RCC1L: variants seen among roughly 807,000 people sequenced by gnomAD.
The protein encoded by RCC1L is RCC1 like, also known as RCC1-like G exchanging factor-like protein.
RCC1L carries 46 observed loss-of-function variants against 58.6 expected under a neutral mutation model. The observed-to-expected ratio is 0.79, with a 90% CI of 0.62 to 1.00. RCC1L has a LOEUF of 1.00. Among genes scored for constraint, RCC1L ranks in the 50% least tolerant of loss-of-function variants. The pLI is 0.00. For missense variants in RCC1L, 636 were observed against 623.6 expected (o/e 1.02, Z -0.21); for synonymous variants, 281 against 262.9 (o/e 1.07, Z -0.67).
chr7:75,070,535 C>T, intron 2 of RCC1L, 105 bp downstream of exon 2: 1 of 1,468,270 alleles, frequency 6.8e-7, no homozygotes, highest in South Asian at 1.3e-5. Flanking sequence ...CTCGCCACTG[C>T]ACTCTAGCCT....
intron 10 of RCC1L, among the ~76,000 whole-genome samples, chr7:75,049,037 G>A (rs1043789888): frequency 1.3e-5 from 2 of 152,090 alleles, no homozygotes; most frequent in African/African-American, 4.8e-5. Flanking sequence ...GTCACCTCCC[G>A]GGCCCACATA....
rs1452418650 is a variant in RCC1L at position 75,061,215 on chromosome 7, C to T, written c.779G>A (p.Gly260Glu). The change falls in exon 6 of 11, where the codon GGG (glycine) becomes GAG (glutamate). Residue 260 changes from glycine (G) to glutamate (E), a missense_variant. Gly to Glu is a moderately conservative substitution (Grantham distance 98). Transcript: ENST00000610322. ...EVYSCGWGAD[G>E]QTGLGHYNIT... ...CATGAAAAGAACTCTACCTGTTTGCCCATCAGCACCCCATCCACAAGAATA... is the reference window on the plus strand; with the variant it reads ...CATGAAAAGAACTCTACCTGTTTGCTCATCAGCACCCCATCCACAAGAATA... The T allele has an allele frequency of 6.2e-7, 1 of 1,613,552 alleles. No homozygotes were observed. Among genetic ancestry groups the T allele is most frequent in the African/African-American group, 1.3e-5 (1 of 74,874 alleles).
At chr7:75,042,069 A>G, downstream of RCC1L, 2 of 523,756 alleles carry the variant, frequency 3.8e-6, no homozygotes, top group Non-Finnish European at 4.9e-6. Flanking sequence ...AAATAAAAAG[A>G]CCTCATCTCT....
downstream of RCC1L, among the ~76,000 whole-genome samples, chr7:75,037,980 C>T (rs1433406603): frequency 7.9e-5 from 12 of 152,286 alleles, no homozygotes; most frequent in East Asian, 2.3e-3. Context: ...ATTCGGAACC[C>T]TTGGTTGGTG....
intron 10 of RCC1L, among the ~76,000 whole-genome samples, chr7:75,033,327 G>A (rs1805356723): frequency 6.6e-6 from 1 of 152,076 alleles, no homozygotes; most frequent in Non-Finnish European, 1.5e-5. Flanking sequence ...AAGCAGGGAG[G>A]GACGGGAGAG....
chr7:75,056,630 A>C (rs1806089808), intron 8 of RCC1L: 2 of 1,535,316 alleles, frequency 1.3e-6, no homozygotes, highest in Admixed American at 3.9e-5. Flanking sequence ...GCAGAGCTGG[A>C]GTCTCTCTGG....
Position 75,066,654 on chromosome 7 carries a change from G to A in RCC1L, c.583+10C>T. 1.2e-6 allele frequency: 2 copies of A among 1,610,138 alleles called. No individual in the cohort carries two copies. The highest frequency in any genetic ancestry group is 4.5e-5 in the East Asian group (2 of 44,692). On this transcript the variant is annotated intron_variant, in intron 3 of 10. Transcript: ENST00000610322. ...GCACTCTTCCATCACCCTTCAATAGGTCAACTCACCTCCTTCCCTGTCAGT... is the reference window on the plus strand; with the variant it reads ...GCACTCTTCCATCACCCTTCAATAGATCAACTCACCTCCTTCCCTGTCAGT...
At chr7:75,040,113 GAC>G (rs2131973293), downstream of RCC1L, among the ~76,000 whole-genome samples, 3 of 152,234 alleles carry the variant, frequency 2.0e-5, no homozygotes, top group African/African-American at 7.2e-5. Context: ...AGAAAGAAAA[GAC>G]AAACCGAAGG....
At chr7:75,050,324 G>A (rs1805864106) in intron 10 of RCC1L, among the ~76,000 whole-genome samples, 1 of 152,254 alleles carries the variant, frequency 6.6e-6, no homozygotes, top group South Asian at 2.1e-4. Context: ...AAAAGCAAAT[G>A]ACCAGAAGGA....
chr7:75,071,321 T>C (rs1554446062), intron 1 of RCC1L, among the ~76,000 whole-genome samples: 1 of 152,098 alleles, frequency 6.6e-6, no homozygotes, highest in South Asian at 2.1e-4. Context: ...CCACTAGGTA[T>C]TACCATCCCC....
intron 10 of RCC1L, among the ~76,000 whole-genome samples, chr7:75,028,559 C>T (rs1377910218): frequency 6.6e-6 from 1 of 152,250 alleles, no homozygotes; most frequent in African/African-American, 2.4e-5. Context: ...TTGCTGCACT[C>T]AGAGTACCAG....
intron 7 of RCC1L, 43 bp downstream of exon 7, chr7:75,058,543 AAT>A: frequency 6.4e-7 from 1 of 1,554,986 alleles, no homozygotes; most frequent in African/African-American, 1.4e-5. Flanking sequence ...TTAACACTTT[AAT>A]GTTTCCAAAC....
chr7:75,042,710 T>C lies in RCC1L; in HGVS notation c.*322A>G. On this transcript the variant is annotated 3_prime_UTR_variant, in exon 11 of 11. Transcript: ENST00000610322. ...GCACTGTGTTCAAGCTAAGCTTTCC[T>C]AAGACGGGCTTCTCAGGCGAGACGT... 7.9e-7 allele frequency: 1 copy of C among 1,270,730 alleles called. No homozygotes were observed. The highest frequency in any genetic ancestry group is 3.9e-5 in the East Asian group (1 of 25,460). 78.7% of individuals were successfully genotyped at this position (1,270,730 alleles called of 1,614,324 possible).
intron 10 of RCC1L, among the ~76,000 whole-genome samples, chr7:75,036,447 G>A (rs1328908332): frequency 1.3e-5 from 2 of 151,868 alleles, no homozygotes; most frequent in Non-Finnish European, 2.9e-5. Context: ...GAACATCATT[G>A]CCTTGGCTGC....
intron 10 of RCC1L, among the ~76,000 whole-genome samples, chr7:75,044,770 C>G (rs1805670434): frequency 6.6e-6 from 1 of 152,018 alleles, no homozygotes; most frequent in Non-Finnish European, 1.5e-5. Flanking sequence ...GGCGCAGTGG[C>G]TCACGCCTGT....
At chr7:75,043,233 C>CAGGAGACAGCTTGTCTCAGT (rs1300834175) in intron 10 of RCC1L, 124 bp from the exon 11 acceptor site, 27 of 1,096,832 alleles carry the variant, frequency 2.5e-5, no homozygotes, top group East Asian at 4.9e-5. Context: ...CTTGTCTCAG[C>CAGGAGACAGCTTGTCTCAGT]AGGAGACAGC....
At chr7:75,029,704 C>T (rs1200481897) in intron 10 of RCC1L, among the ~76,000 whole-genome samples, 2 of 152,130 alleles carry the variant, frequency 1.3e-5, no homozygotes, top group African/African-American at 2.4e-5. Flanking sequence ...GGAAGAAGCA[C>T]CCCCAACCTT....
At chr7:75,072,619 A>AC in intron 1 of RCC1L, among the ~76,000 whole-genome samples, 1 of 152,230 alleles carries the variant, frequency 6.6e-6, no homozygotes, top group South Asian at 2.1e-4. Context: ...CCCTTCACTG[A>AC]CCCGATGAGA....
At chr7:75,047,884 A>C (rs1258302496) in intron 10 of RCC1L, among the ~76,000 whole-genome samples, 1 of 144,006 alleles carries the variant, frequency 6.9e-6, no homozygotes, top group East Asian at 2.2e-4. Flanking sequence ...TGACCCCATG[A>C]TCTGCCCATC....
Sources: allele counts gnomAD v4.1 joint callset (sites outside exome capture counted in the v4.1 genomes callset), GRCh38; gene constraint gnomAD v4.1.1; transcripts MANE v1.5; gene names NCBI Gene and HGNC (gene_info 2026-07-23, HGNC 2026-07-21).